The following EML1 variants were observed in gnomAD, a reference collection of about 807,000 sequenced individuals.
EML1 encodes echinoderm microtubule-associated protein-like 1.
A neutral mutation model predicts 110.4 loss-of-function variants in EML1; 27 were observed. The ratio of observed to expected loss-of-function variants is 0.24; its 90% confidence interval spans 0.18 to 0.34. The LOEUF is 0.34. Among genes scored for constraint, EML1 ranks in the 10% least tolerant of loss-of-function variants. EML1 has a pLI of 1.00. For missense variants in EML1, 741 were observed against 1,030.9 expected (o/e 0.72, Z 3.85); for synonymous variants, 344 against 385.8 (o/e 0.89, Z 1.27).
chr14:99,850,838 C>T lies in EML1; in HGVS notation c.68-15C>T. ...GGGAACACTTAAAGCTCACTTGATC[C>T]TTTCTTTGGTTTAGATGACAGCGCT... On this transcript the variant is annotated splice_polypyrimidine_tract_variant and intron_variant, in intron 1 of 21. Transcript: ENST00000262233. 3 of 1,608,578 alleles carry T rather than the reference C, an allele frequency of 1.9e-6. No individual in the cohort carries two copies. The highest frequency in any genetic ancestry group is 2.6e-6 in the Non-Finnish European group (3 of 1,175,756).
At chr14:99,817,273 A>G (rs374667293) in intron 1 of EML1, among the ~76,000 whole-genome samples, 1 of 152,234 alleles carries the variant, frequency 6.6e-6, no homozygotes, top group Non-Finnish European at 1.5e-5. Context: ...TTCCCTCAGA[A>G]GAAGCTCACA....
chr14:99,805,878 C>T (rs538052515), intron 1 of EML1, among the ~76,000 whole-genome samples: 82 of 151,994 alleles, frequency 5.4e-4, no homozygotes, highest in Non-Finnish European at 1.1e-3. Flanking sequence ...GCGCTAAGTA[C>T]ATTCACATTG....
At chr14:99,760,514 A>C (rs1321040921) in intron 1 of EML1, among the ~76,000 whole-genome samples, 1 of 152,204 alleles carries the variant, frequency 6.6e-6, no homozygotes, top group Non-Finnish European at 1.5e-5. Flanking sequence ...TTTAGAACGC[A>C]CCGTTCAAAG....
chr14:99,893,907 AC>A (rs1394490005), intron 5 of EML1, among the ~76,000 whole-genome samples: 6 of 152,180 alleles, frequency 3.9e-5, no homozygotes, highest in African/African-American at 1.4e-4. Flanking sequence ...TCTAGGAGTT[AC>A]CCCGTGTTGA....
intron 3 of EML1, among the ~76,000 whole-genome samples, chr14:99,870,964 A>ATT (rs112229345): frequency 2.4e-4 from 35 of 146,662 alleles, no homozygotes; most frequent in African/African-American, 7.2e-4. Flanking sequence ...AGGAAATAAC[A>ATT]TTTTTTTTTT....
rs549183305 is a variant in EML1 at position 99,782,095 on chromosome 14, G to A, written c.-27+8082G>A. Reference sequence around the variant, plus strand: ...TGTTATCCTACCTGTCCCCAGCCAGGGTGTCAGCTTGCATGCTTGGGTAGA... The same window carrying A: ...TGTTATCCTACCTGTCCCCAGCCAGAGTGTCAGCTTGCATGCTTGGGTAGA... On this transcript the variant is annotated intron_variant, in intron 1 of 22. Transcript: ENST00000327921. 1.1e-3 allele frequency among the ~76,000 whole-genome samples: 165 copies of A among 152,218 alleles called. 2 individuals are homozygous for A. Among genetic ancestry groups the A allele is most frequent in the African/African-American group, 3.7e-3 (154 of 41,516 alleles).
At chr14:99,938,552 G>A (rs1054672760) in intron 20 of EML1, among the ~76,000 whole-genome samples, 1 of 152,116 alleles carries the variant, frequency 6.6e-6, no homozygotes, top group Non-Finnish European at 1.5e-5. Flanking sequence ...GGTCAGAAGA[G>A]GGCGTCCCCC....
chr14:99,787,972 G>A lies in EML1; in HGVS notation c.-27+13959G>A, dbSNP rs916741187. ...ACTTCAACAGATGAATTTTTGCAGG[G>A]ACACAGTTAAGCCCATGACATTAAC... On this transcript the variant is annotated intron_variant, in intron 1 of 22. Transcript: ENST00000327921. 5.3e-5 allele frequency among the ~76,000 whole-genome samples: 8 copies of A among 152,126 alleles called. No individual in the cohort carries two copies. In the South Asian group the frequency reaches 1.7e-3, roughly 32 times the overall value.
chr14:99,892,565 AC>A (rs1175805802), intron 5 of EML1, among the ~76,000 whole-genome samples: 2 of 152,124 alleles, frequency 1.3e-5, no homozygotes, highest in Non-Finnish European at 2.9e-5. Context: ...TGTTATCCTA[AC>A]CTGCCTGGAA....
chr14:99,759,490 C>G (rs1167135557), intron 1 of EML1, among the ~76,000 whole-genome samples: 1 of 152,246 alleles, frequency 6.6e-6, no homozygotes, highest in African/African-American at 2.4e-5. Flanking sequence ...TTAGTTTCTC[C>G]TTAGTTTCTG....
chr14:99,871,035 C>T (rs1004162608), intron 3 of EML1, among the ~76,000 whole-genome samples: 1 of 152,204 alleles, frequency 6.6e-6, no homozygotes, highest in Middle Eastern at 3.4e-3. Context: ...TGGCTCACTG[C>T]AACCTCCGCC....
At chr14:99,779,772 T>A (rs894702671) in intron 1 of EML1, among the ~76,000 whole-genome samples, 9 of 152,242 alleles carry the variant, frequency 5.9e-5, no homozygotes, top group Non-Finnish European at 1.2e-4. Flanking sequence ...CTATCATTTA[T>A]TTGCCATCTT....
chr14:99,933,924 G>A (rs1388782572), intron 17 of EML1, among the ~76,000 whole-genome samples: 1 of 152,020 alleles, frequency 6.6e-6, no homozygotes, highest in South Asian at 2.1e-4. Context: ...GTAAAACCCC[G>A]TCTCTACTAA....
intron 1 of EML1, among the ~76,000 whole-genome samples, chr14:99,751,831 GACCC>G (rs1281669927): frequency 1.3e-5 from 2 of 152,134 alleles, no homozygotes; most frequent in East Asian, 3.9e-4. Flanking sequence ...GGGTTGGGAA[GACCC>G]ACAGGGGTCT....
chr14:99,930,368 C>A (rs949025227), intron 17 of EML1, among the ~76,000 whole-genome samples: 1 of 152,210 alleles, frequency 6.6e-6, no homozygotes, highest in Non-Finnish European at 1.5e-5. Flanking sequence ...TCTGGGCACA[C>A]GCCTGGAACG....
rs2059752594 is a variant in EML1 at position 99,900,912 on chromosome 14, G to A, written c.898-17G>A. 6.2e-7 allele frequency: 1 copy of A among 1,609,100 alleles called. No individual in the cohort carries two copies. The highest frequency in any genetic ancestry group is 8.5e-7 in the Non-Finnish European group (1 of 1,175,460). ...TCACCATCACAATTGATGGCTCTGT[G>A]TTTCTTTTCTGAACAGCAATTGCCC... On this transcript the variant is annotated splice_polypyrimidine_tract_variant and intron_variant, in intron 8 of 21. Coordinates refer to ENST00000262233, the MANE Select transcript of EML1 (RefSeq NM_004434.3).
At chr14:99,848,819 C>T (rs565255074) in intron 1 of EML1, among the ~76,000 whole-genome samples, 2 of 151,758 alleles carry the variant, frequency 1.3e-5, no homozygotes, top group Non-Finnish European at 2.9e-5. Flanking sequence ...AAAAATTAGC[C>T]AAGCGTGGTG....
intron 4 of EML1, among the ~76,000 whole-genome samples, chr14:99,884,935 C>T (rs2059448906): frequency 6.6e-6 from 1 of 152,182 alleles, no homozygotes; most frequent in South Asian, 2.1e-4. Context: ...TTCTGGGAGC[C>T]TCCCCTGGCT....
intron 6 of EML1, 25 bp downstream of exon 6, chr14:99,894,783 C>T (rs775655719): frequency 6.3e-7 from 1 of 1,598,274 alleles, no homozygotes; most frequent in South Asian, 1.1e-5. Context: ...TTGATTAGGT[C>T]TCACATGAAG....
Sources: gnomAD v4.1 joint callset for allele counts (sites outside exome capture counted in the v4.1 genomes callset) on GRCh38, gnomAD v4.1.1 for gene constraint, MANE v1.5 for transcripts, NCBI Gene and HGNC (gene_info 2026-07-23, HGNC 2026-07-21) for gene names.